The following ADAMTS9 variants were observed in gnomAD, a reference collection of about 807,000 sequenced individuals.
ADAMTS9 encodes the protein A disintegrin and metalloproteinase with thrombospondin motifs 9.
In ADAMTS9, 107 loss-of-function variants were observed where a neutral mutation model predicts 257.1. The ratio of observed to expected loss-of-function variants is 0.42; its 90% CI spans 0.36 to 0.49. The LOEUF (loss-of-function observed/expected upper bound fraction) is 0.49. Ranked by LOEUF, ADAMTS9 falls within the 20% of genes least tolerant of loss-of-function variation. ADAMTS9 has a pLI of 0.03. For synonymous variants in ADAMTS9, 982 were observed against 880.9 expected (o/e 1.11, Z -2.03); for missense variants, 2,353 against 2,469.1 (o/e 0.95, Z 1.00).
chr3:64,607,062 T>C lies in ADAMTS9; in HGVS notation c.3372A>G (p.Gly1124=). The C allele has an allele frequency of 6.2e-7, 1 of 1,613,794 alleles. No homozygotes were observed. The highest frequency in any genetic ancestry group is 8.5e-7 in the Non-Finnish European group (1 of 1,179,760). ...GPWGQCSVTC[G]QGYQLRAVKC... is the part of the protein sequence containing the mutation. ...TCACTGCTCTTAGCTGGTATCCCTGTCCACAAGTGACACTGCACTGGAAGA... is the reference window on the plus strand; with the variant it reads ...TCACTGCTCTTAGCTGGTATCCCTGCCCACAAGTGACACTGCACTGGAAGA... Residue 1124 remains glycine, a synonymous_variant, in exon 23 of 40, where the codon GGA becomes GGG. Coordinates refer to ENST00000498707, the MANE Select transcript of ADAMTS9 (RefSeq NM_182920.2).
At chr3:64,534,238 G>A (rs7625649) in intron 37 of ADAMTS9, among the ~76,000 whole-genome samples, 110,916 of 152,026 alleles carry the variant, frequency 0.73, 42,881 homozygotes, top group Non-Finnish European at 0.86. Flanking sequence ...ACCTGTGATT[G>A]GATCCTGGCC....
chr3:64,633,333 G>A (rs975224067), intron 14 of ADAMTS9, 139 bp downstream of exon 14: 27 of 1,299,540 alleles, frequency 2.1e-5, no homozygotes, highest in Non-Finnish European at 2.8e-5. Context: ...TGCTGTTGCT[G>A]ATCCCGGGGC....
At position 64,622,529 on chromosome 3, in the gene ADAMTS9, G is replaced by A. The variant is rs1700134250; in HGVS notation, c.2447C>T (p.Ala816Val). Reference protein sequence around the residue: ...LLNGNFVVTMAKREIRIGNAV... With the variant: ...LLNGNFVVTMVKREIRIGNAV... The stretch of plus-strand genomic sequence containing the variant: ...ATTCCCAATGCGAATTTCCCTTTTG[G>A]CCATTGTGACAACAAAGTTTCCATT... Residue 816 changes from alanine to valine, a missense_variant, in exon 17 of 40, where the codon GCC becomes GTC. Physicochemically the swap from Ala to Val is moderately conservative, Grantham distance 64 (BLOSUM62 0). Around this residue, in one of 3 missense-constraint regions of ADAMTS9, gnomAD observed 360 missense variants for 458.1 expected, o/e 0.79. Coordinates refer to ENST00000498707, the MANE Select transcript of ADAMTS9 (RefSeq NM_182920.2). 1 of 1,613,948 alleles carries A rather than the reference G, an allele frequency of 6.2e-7. No individual in the cohort carries two copies. The highest frequency in any genetic ancestry group is 1.3e-5 in the African/African-American group (1 of 74,896).
In ADAMTS9 at chr3:64,687,874, C is replaced by A; in HGVS notation, c.-217G>T. 2 of 420,528 alleles carry A rather than the reference C, an allele frequency of 4.8e-6. No homozygotes were observed. The highest frequency in any genetic ancestry group is 9.7e-5 in the South Asian group (2 of 20,690). 26.0% of individuals were successfully genotyped at this position (420,528 alleles called of 1,614,324 possible). A position where few individuals can be genotyped will look rare whatever the true frequency, so the allele number is the denominator to read the frequency against. On this transcript the variant is annotated 5_prime_UTR_variant, in exon 1 of 40. Transcript: ENST00000498707. This position sits in a 1 kb window ranked among gnomAD's most constrained non-coding sequence, Gnocchi z 4.4. ...CTGCCGAGAGCTGAGCCGCTCGGGCCGCAGGAGGAGCCGGAGGAGCAGGAG... is the reference window on the plus strand; with the variant it reads ...CTGCCGAGAGCTGAGCCGCTCGGGCAGCAGGAGGAGCCGGAGGAGCAGGAG...
intron 23 of ADAMTS9, among the ~76,000 whole-genome samples, chr3:64,605,345 T>G (rs1224170316): frequency 6.6e-6 from 1 of 152,238 alleles, no homozygotes; most frequent in Admixed American, 6.5e-5. Context: ...AGCTAACATT[T>G]TCCAGGCATT....
intron 25 of ADAMTS9, 35 bp downstream of exon 25, chr3:64,603,887 C>T: frequency 6.2e-7 from 1 of 1,609,128 alleles, no homozygotes; most frequent in South Asian, 1.1e-5. Context: ...ATGTTTCCCC[C>T]ATTCCCCCTA....
intron 37 of ADAMTS9, among the ~76,000 whole-genome samples, chr3:64,537,970 A>C (rs188424028): frequency 2.0e-5 from 3 of 152,348 alleles, no homozygotes; most frequent in African/African-American, 7.2e-5. Context: ...CAGGCAAGAA[A>C]GTGTAGAACC....
chr3:64,587,941 G>C (rs2084190294), intron 28 of ADAMTS9: 1 of 152,108 alleles, frequency 6.6e-6, no homozygotes, highest in Non-Finnish European at 1.5e-5. Context: ...GGAGGCCAAG[G>C]ACCCAGCAGG....
chr3:64,576,932 C>T (rs1354327224), intron 28 of ADAMTS9, among the ~76,000 whole-genome samples: 2 of 152,144 alleles, frequency 1.3e-5, no homozygotes, highest in Non-Finnish European at 2.9e-5. Flanking sequence ...TCACATCTTC[C>T]ACTCCCACCC....
chr3:64,602,988 T>C (rs559238934), intron 25 of ADAMTS9, among the ~76,000 whole-genome samples: 1 of 152,290 alleles, frequency 6.6e-6, no homozygotes, highest in South Asian at 2.1e-4. Flanking sequence ...AACTGACGGA[T>C]GGACAGATGG....
At chr3:64,537,205 T>C (rs1356704691) in intron 37 of ADAMTS9, among the ~76,000 whole-genome samples, 1 of 152,346 alleles carries the variant, frequency 6.6e-6, no homozygotes, top group South Asian at 2.1e-4. Context: ...CATTTAGGAA[T>C]TGCTTCATTG....
At chr3:64,537,993 G>A (rs566071566) in intron 37 of ADAMTS9, among the ~76,000 whole-genome samples, 4 of 152,336 alleles carry the variant, frequency 2.6e-5, no homozygotes, top group East Asian at 3.9e-4. Flanking sequence ...AGAATGGGCA[G>A]AAAGATTGCT....
chr3:64,649,736 T>G lies in ADAMTS9; in HGVS notation c.1506A>C (p.Arg502Ser), dbSNP rs139709824. ...GECLLNEPES[R>S]PYPLPVQLPG... ...GCAGTTGGACAGGCAAAGGGTAGGG[T>G]CTGGATTCAGGTTCGTTAAGCAAAC... The change falls in exon 10 of 40, where the codon AGA (arginine) becomes AGC (serine). Residue 502 changes from arginine to serine, a missense_variant. Coordinates refer to ENST00000498707, the MANE Select transcript of ADAMTS9 (RefSeq NM_182920.2). 6 of 1,613,820 alleles carry G rather than the reference T, an allele frequency of 3.7e-6. No individual in the cohort carries two copies. Among genetic ancestry groups the G allele is most frequent in the Non-Finnish European group, 5.1e-6 (6 of 1,179,954 alleles).
chr3:64,542,901 C>G (rs1176445801), intron 32 of ADAMTS9, among the ~76,000 whole-genome samples: 1 of 143,600 alleles, frequency 7.0e-6, no homozygotes, highest in African/African-American at 2.9e-5. Flanking sequence ...AGAGAAGAAT[C>G]AAATAGACAC....
intron 38 of ADAMTS9, among the ~76,000 whole-genome samples, chr3:64,529,041 T>C (rs2106884255): frequency 6.6e-6 from 1 of 152,352 alleles, no homozygotes; most frequent in East Asian, 1.9e-4. Context: ...TTGGAGAGGC[T>C]GATCCCACCA....
intron 30 of ADAMTS9, among the ~76,000 whole-genome samples, 180 bp from the exon 31 acceptor site, chr3:64,551,242 C>T (rs951703873): frequency 6.6e-6 from 1 of 152,134 alleles, no homozygotes; most frequent in Non-Finnish European, 1.5e-5. Context: ...TGGAGTCTTG[C>T]TCTGTCTCCC....
intron 12 of ADAMTS9, among the ~76,000 whole-genome samples, chr3:64,635,225 A>G (rs1418533390): frequency 6.6e-6 from 1 of 152,118 alleles, no homozygotes; most frequent in East Asian, 1.9e-4. Flanking sequence ...TACTGTTATA[A>G]ACGTACTTGC....
rs1017604051 is a variant in ADAMTS9 at position 64,568,501 on chromosome 3, C to T, written c.4391G>A (p.Arg1464Gln). Residue 1464 changes from arginine (R) to glutamine (Q), a missense_variant, in exon 29 of 40, where the codon CGA becomes CAA. This residue lies in a region of ADAMTS9 where 1,402 missense variants were observed against 1,441.4 expected (regional missense o/e 0.97). Transcript: ENST00000498707. The stretch of plus-strand genomic sequence containing the variant: ...ATCTTTTGCCATGCAGTAAACATTT[C>T]GTTGTTTATGCCCTCGACCACAAGA... ...SVSCGRGHKQ[R>Q]NVYCMAKDGS... 6.2e-6 allele frequency: 10 copies of T among 1,614,016 alleles called. No homozygotes were observed. Among genetic ancestry groups the T allele is most frequent in the East Asian group, 2.2e-5 (1 of 44,860 alleles).
rs757702016 is a variant in ADAMTS9, at chr3:64,602,132, C to A, written c.3829G>T (p.Glu1277Ter). The change falls in exon 26 of 40, where the codon GAG (glutamate) becomes TAG (stop). Residue 1277 changes from glutamate (E) to a stop codon, truncating the protein, a stop_gained. Coordinates refer to ENST00000498707, the MANE Select transcript of ADAMTS9 (RefSeq NM_182920.2). LOFTEE classifies it high-confidence loss of function. The stretch of plus-strand genomic sequence containing the variant: ...TCTGGGATATAATCCTGGTCACACT[C>A]ACTCCGATCGATCACGTGGTCACTG... ...NYSDHVIDRSECDQDYIPETD... is the reference protein window; with the variant it reads ...NYSDHVIDRS 6.2e-7 allele frequency: 1 copy of A among 1,614,142 alleles called. No individual in the cohort carries two copies. Among genetic ancestry groups the A allele is most frequent in the Non-Finnish European group, 8.5e-7 (1 of 1,180,004 alleles).
Sources: gnomAD v4.1 joint callset for allele counts (sites outside exome capture counted in the v4.1 genomes callset) on GRCh38, gnomAD v4.1.1 for gene constraint, gnomAD v4.1.1 regional missense constraint, Gnocchi (gnomAD v3.1) non-coding constraint, MANE v1.5 for transcripts, NCBI Gene and HGNC (gene_info 2026-07-23, HGNC 2026-07-21) for gene names.